SAMD4A: variants seen among roughly 807,000 people sequenced by gnomAD.
SAMD4A encodes sterile alpha motif domain containing 4A.
In SAMD4A, 33 loss-of-function variants were observed where a neutral mutation model predicts 81.3. The observed-to-expected ratio is 0.41, with a 90% CI of 0.31 to 0.54. The LOEUF is 0.54. SAMD4A is among the 20% of genes least tolerant of loss of function. The pLI is 0.37. For synonymous variants in SAMD4A, 389 were observed against 382.1 expected (o/e 1.02, Z -0.21); for missense variants, 854 against 951.1 (o/e 0.90, Z 1.34).
intron 2 of SAMD4A, among the ~76,000 whole-genome samples, chr14:54,701,642 T>A (rs1050410742): frequency 2.6e-5 from 4 of 152,022 alleles, no homozygotes; most frequent in Non-Finnish European, 5.9e-5. Context: ...CTGGGGGAGG[T>A]GAAGCAGCCT....
chr14:54,729,715 C>T (rs545688431), intron 3 of SAMD4A, among the ~76,000 whole-genome samples: 72 of 152,162 alleles, frequency 4.7e-4, no homozygotes, highest in Non-Finnish European at 8.1e-4. Context: ...TTGATCCCAT[C>T]GTTTCTTGAA....
intron 5 of SAMD4A, among the ~76,000 whole-genome samples, chr14:54,750,269 AC>A (rs1251709150): frequency 6.6e-6 from 1 of 152,024 alleles, no homozygotes; most frequent in Non-Finnish European, 1.5e-5. Context: ...ACAGAAATAT[AC>A]CCCCAGTGTT....
intron 2 of SAMD4A, among the ~76,000 whole-genome samples, chr14:54,592,006 G>A (rs1279436470): frequency 6.6e-6 from 1 of 151,948 alleles, no homozygotes; most frequent in African/African-American, 2.4e-5. Context: ...CTCCATGTGT[G>A]CGTGCCTTAA....
intron 2 of SAMD4A, among the ~76,000 whole-genome samples, chr14:54,685,177 A>G (rs1400264850): frequency 1.1e-5 from 1 of 89,532 alleles, no homozygotes; most frequent in African/African-American, 2.7e-5. Flanking sequence ...TATATTCACA[A>G]TGTTGTGTGA....
chr14:54,789,115 T>A lies in SAMD4A; in HGVS notation c.*171T>A, dbSNP rs936598983. 1.3e-5 allele frequency: 9 copies of A among 681,548 alleles called. No individual in the cohort carries two copies. In the East Asian group the frequency reaches 2.2e-4, roughly 17 times the overall value. 42.2% of individuals were successfully genotyped at this position (681,548 alleles called of 1,614,324 possible). On this transcript the variant is annotated 3_prime_UTR_variant, in exon 13 of 13. Transcript: ENST00000554335. ...AGCGTAGGTCATCCTCGTAAACATA[T>A]CAGTAGACCTGGGGTTGGTTATTTT...
chr14:54,593,602 G>T (rs113437203), intron 2 of SAMD4A, among the ~76,000 whole-genome samples: 4 of 152,232 alleles, frequency 2.6e-5, no homozygotes, highest in Admixed American at 6.5e-5. Context: ...TTTACCCTAT[G>T]GAAAATGATT....
rs118147677 is a variant in SAMD4A at position 54,711,857 on chromosome 14, C to T, written c.715+9277C>T. Among the ~76,000 whole-genome samples the T allele has an allele frequency of 8.0e-3, 1,212 of 152,156 alleles. 10 individuals carry two copies. The highest frequency in any genetic ancestry group is 0.014 in the Non-Finnish European group (925 of 67,972). ...TCCCTTAGGAGCCCCTGATCTGCTACGGGAAAAAAACCTCCATTTCTCTCA... is the reference window on the plus strand; with the variant it reads ...TCCCTTAGGAGCCCCTGATCTGCTATGGGAAAAAAACCTCCATTTCTCTCA... On this transcript the variant is annotated intron_variant, in intron 3 of 12. Coordinates refer to ENST00000554335, the MANE Select transcript of SAMD4A (RefSeq NM_015589.6).
At chr14:54,755,534 G>A (rs1037432185) in intron 6 of SAMD4A, among the ~76,000 whole-genome samples, 56 of 152,130 alleles carry the variant, frequency 3.7e-4, no homozygotes, top group African/African-American at 1.0e-3. Flanking sequence ...CCAGAAGGTC[G>A]GGAGGGTTTG....
intron 2 of SAMD4A, among the ~76,000 whole-genome samples, chr14:54,608,220 A>T (rs1462581644): frequency 6.6e-6 from 1 of 151,972 alleles, no homozygotes; most frequent in South Asian, 2.1e-4. Flanking sequence ...TCCTACCTTC[A>T]TGTTGGGGAT....
chr14:54,626,472 G>C (rs552710105), intron 2 of SAMD4A, among the ~76,000 whole-genome samples: 14 of 152,212 alleles, frequency 9.2e-5, no homozygotes, highest in African/African-American at 3.4e-4. Context: ...CATTATAAAG[G>C]TGCCATTCAG....
chr14:54,619,185 T>C (rs1431336627), intron 2 of SAMD4A, among the ~76,000 whole-genome samples: 1 of 152,222 alleles, frequency 6.6e-6, no homozygotes, highest in Non-Finnish European at 1.5e-5. Flanking sequence ...AGGTAATTAT[T>C]TTAAGTCAAA....
intron 9 of SAMD4A, among the ~76,000 whole-genome samples, chr14:54,773,144 C>G (rs2038749197): frequency 6.6e-6 from 1 of 152,188 alleles, no homozygotes; most frequent in Non-Finnish European, 1.5e-5. Context: ...GGCACAAGCC[C>G]AGAATTCTCC....
chr14:54,690,619 A>C (rs939968628), intron 2 of SAMD4A, among the ~76,000 whole-genome samples: 1 of 152,194 alleles, frequency 6.6e-6, no homozygotes, highest in African/African-American at 2.4e-5. Flanking sequence ...CTATGGGTAC[A>C]AAACTTTCCC....
intron 2 of SAMD4A, among the ~76,000 whole-genome samples, chr14:54,631,403 C>G (rs1003116151): frequency 6.6e-6 from 1 of 152,172 alleles, no homozygotes; most frequent in African/African-American, 2.4e-5. Flanking sequence ...ACAAATGATG[C>G]TGTCCTCCTC....
At chr14:54,695,682 C>T (rs75997499) in intron 2 of SAMD4A, among the ~76,000 whole-genome samples, 14 of 150,708 alleles carry the variant, frequency 9.3e-5, no homozygotes, top group East Asian at 6.0e-4. Flanking sequence ...GGGCCGGGCA[C>T]GGTGGCTCAC....
At chr14:54,683,706 A>G (rs2036183767) in intron 2 of SAMD4A, among the ~76,000 whole-genome samples, 1 of 152,250 alleles carries the variant, frequency 6.6e-6, no homozygotes, top group Non-Finnish European at 1.5e-5. Flanking sequence ...TGAGCCATAA[A>G]GAAACCAAGT....
At chr14:54,720,518 T>C (rs980699769) in intron 3 of SAMD4A, among the ~76,000 whole-genome samples, 4 of 152,074 alleles carry the variant, frequency 2.6e-5, no homozygotes, top group Non-Finnish European at 5.9e-5. Flanking sequence ...CTGCAATTCT[T>C]TTCTCATGGA....
At chr14:54,626,055 T>TGGGC (rs1360303148) in intron 2 of SAMD4A, among the ~76,000 whole-genome samples, 1 of 108,294 alleles carries the variant, frequency 9.2e-6, no homozygotes, top group Admixed American at 8.6e-5. Context: ...TGTGTGTGTG[T>TGGGC]GTGTGCGCGC....
In SAMD4A at chr14:54,738,072, G is replaced by C. The variant is rs973605200; in HGVS notation, c.979+785G>C. On this transcript the variant is annotated intron_variant, in intron 4 of 12. Coordinates refer to ENST00000554335, the MANE Select transcript of SAMD4A (RefSeq NM_015589.6). ...TGTACAAGGGCTGGGAAGCCCTTAG[G>C]CAAAGATGCACATTCAGAGACACAC... Among the ~76,000 whole-genome samples the C allele has an allele frequency of 5.3e-5, 8 of 152,334 alleles. No individual in the cohort carries two copies. In the East Asian group the frequency reaches 1.5e-3, roughly 29 times the overall value.
Sources: allele counts gnomAD v4.1 joint callset (sites outside exome capture counted in the v4.1 genomes callset), GRCh38; gene constraint gnomAD v4.1.1; transcripts MANE v1.5; gene names NCBI Gene and HGNC (gene_info 2026-07-23, HGNC 2026-07-21).